Variants in TENM2 observed in about 807,000 individuals in gnomAD.
TENM2 encodes the protein teneurin-2.
Under a neutral mutation model 245.2 loss-of-function variants are expected in TENM2, and 52 were observed. The observed-to-expected ratio is 0.21, with a 90% CI of 0.17 to 0.27. The LOEUF (loss-of-function observed/expected upper bound fraction) is 0.27. Among genes scored for constraint, TENM2 ranks in the 10% least tolerant of loss-of-function variants. The pLI, the probability that TENM2 is intolerant of heterozygous loss-of-function variation, is 1.00. For synonymous variants in TENM2, 1,363 were observed against 1,438.9 expected, an observed-to-expected ratio of 0.95 and a Z score of 1.19; for missense variants, 3,046 against 3,666.8, an observed-to-expected ratio of 0.83 and a Z score of 4.37.
intron 2 of TENM2, among the ~76,000 whole-genome samples, chr5:167,423,961 T>C (rs1763661990): frequency 6.6e-6 from 1 of 152,220 alleles, no homozygotes; most frequent in Non-Finnish European, 1.5e-5. Context: ...AAGTCCCATG[T>C]GCTTTGTAGT....
the TENM2 span, among the ~76,000 whole-genome samples, chr5:167,253,651 TAAAG>T: frequency 1.3e-5 from 2 of 152,178 alleles, no homozygotes; most frequent in African/African-American, 4.8e-5. Context: ...TTAGCATCTA[TAAAG>T]ATAGTAATAT....
At chr5:167,220,209 A>ATC in the TENM2 span, among the ~76,000 whole-genome samples, 24 of 152,258 alleles carry the variant, frequency 1.6e-4, no homozygotes, top group Middle Eastern at 3.4e-3. Flanking sequence ...CTTAAGAGGT[A>ATC]TCCTCTTGGG....
the TENM2 span, among the ~76,000 whole-genome samples, chr5:166,998,263 T>C: frequency 6.6e-6 from 1 of 152,234 alleles, no homozygotes; most frequent in East Asian, 1.9e-4. Context: ...AGGGAGGTGG[T>C]GAGTGATCCA....
chr5:168,190,053 A>T (rs1760809357), intron 13 of TENM2, among the ~76,000 whole-genome samples: 1 of 152,242 alleles, frequency 6.6e-6, no homozygotes, highest in South Asian at 2.1e-4. Flanking sequence ...TCATAGTAGA[A>T]AAAAGTAGAA....
chr5:167,212,319 T>C, the TENM2 span, among the ~76,000 whole-genome samples: 1 of 152,158 alleles, frequency 6.6e-6, no homozygotes, highest in African/African-American at 2.4e-5. Flanking sequence ...GCCGGACCTT[T>C]CTCTGGGTCC....
At chr5:167,693,612 A>G (rs976783055) in intron 2 of TENM2, among the ~76,000 whole-genome samples, 1 of 148,536 alleles carries the variant, frequency 6.7e-6, no homozygotes, top group Non-Finnish European at 1.5e-5. Flanking sequence ...ACTGTTACCT[A>G]AATTTTAAGA....
chr5:167,740,913 AC>A (rs1280391171), intron 2 of TENM2, among the ~76,000 whole-genome samples: 1 of 152,072 alleles, frequency 6.6e-6, no homozygotes, highest in Non-Finnish European at 1.5e-5. Context: ...TCTTCTGTCA[AC>A]CCTGCAGACG....
At chr5:167,274,104 C>T in the TENM2 span, among the ~76,000 whole-genome samples, 4 of 152,116 alleles carry the variant, frequency 2.6e-5, no homozygotes, top group African/African-American at 7.2e-5. Flanking sequence ...ACATTTCCAT[C>T]ACAAAGTTGA....
At chr5:167,812,262 G>C (rs184116860) in intron 2 of TENM2, among the ~76,000 whole-genome samples, 1 of 152,126 alleles carries the variant, frequency 6.6e-6, no homozygotes, top group Non-Finnish European at 1.5e-5. Context: ...GTCTGGAGCC[G>C]AGGGAGAATT....
At chr5:167,439,449 A>G (rs1764762623) in intron 2 of TENM2, among the ~76,000 whole-genome samples, 1 of 152,184 alleles carries the variant, frequency 6.6e-6, no homozygotes, top group South Asian at 2.1e-4. Context: ...GCCTTTGCTC[A>G]TTGTTACTTA....
Position 168,124,831 on chromosome 5 carries a change from T to C in TENM2, c.2009-19T>C, listed in dbSNP as rs1273522919. The stretch of plus-strand genomic sequence containing the variant: ...GATTAATACTTTTATTCTTTGGTTT[T>C]TGTTTTTGTTTTTTTCAGTTGATTG... On this transcript the variant is annotated intron_variant, in intron 10 of 28. Coordinates refer to ENST00000518659, the Ensembl canonical transcript of TENM2. The C allele has an allele frequency of 6.3e-7, 1 of 1,591,542 alleles. No individual in the cohort carries two copies. The highest frequency in any genetic ancestry group is 8.6e-7 in the Non-Finnish European group (1 of 1,167,334).
rs537750834 is a variant in TENM2, at chr5:168,158,679, C to T, written c.2423-3932C>T. Among the ~76,000 whole-genome samples, 158 of 150,134 alleles carry T rather than the reference C, an allele frequency of 1.1e-3. 2 individuals are homozygous for T. The highest frequency in any genetic ancestry group is 3.1e-3 in the African/African-American group (128 of 40,910). ...ATCAAAAATGTCTCCAGACTGGGCA[C>T]GGTGGCTCATGCCTGGAGTGCTGTA... On this transcript the variant is annotated intron_variant, in intron 12 of 28. Coordinates refer to ENST00000518659, the Ensembl canonical transcript of TENM2.
chr5:167,948,064 T>C (rs1208642917), intron 3 of TENM2, among the ~76,000 whole-genome samples: 2 of 152,172 alleles, frequency 1.3e-5, no homozygotes, highest in Admixed American at 6.5e-5. Context: ...CAATAGTCGA[T>C]TATTAACAAT....
the TENM2 span, among the ~76,000 whole-genome samples, chr5:167,250,844 G>A: frequency 6.6e-6 from 1 of 152,156 alleles, no homozygotes; most frequent in East Asian, 1.9e-4. Context: ...AGCAGCTACT[G>A]AAAAGTATGG....
At chr5:167,137,931 A>G in the TENM2 span, among the ~76,000 whole-genome samples, 1 of 152,238 alleles carries the variant, frequency 6.6e-6, no homozygotes, top group Non-Finnish European at 1.5e-5. Flanking sequence ...CAAACTGACC[A>G]GAAAATTCAT....
intron 5 of TENM2, among the ~76,000 whole-genome samples, chr5:168,040,514 G>T (rs1788093523): frequency 6.6e-6 from 1 of 152,148 alleles, no homozygotes; most frequent in Non-Finnish European, 1.5e-5. Flanking sequence ...TCCATGCAGT[G>T]CTTTGAAAAT....
intron 2 of TENM2, among the ~76,000 whole-genome samples, chr5:167,425,488 T>A (rs1763758620): frequency 2.0e-5 from 3 of 152,192 alleles, no homozygotes; most frequent in African/African-American, 7.2e-5. Flanking sequence ...AATGCAAATT[T>A]CAATTTCTAA....
At chr5:167,662,179 C>T (rs758731817) in intron 2 of TENM2, among the ~76,000 whole-genome samples, 2 of 152,140 alleles carry the variant, frequency 1.3e-5, no homozygotes, top group Non-Finnish European at 2.9e-5. Flanking sequence ...ATTTTTTAAA[C>T]GAGCATCCAC....
chr5:167,136,592 C>A, the TENM2 span, among the ~76,000 whole-genome samples: 1 of 152,150 alleles, frequency 6.6e-6, no homozygotes, highest in Non-Finnish European at 1.5e-5. Flanking sequence ...TTTTGATCCA[C>A]CCCTATTTCT....
Sources: allele counts gnomAD v4.1 joint callset (sites outside exome capture counted in the v4.1 genomes callset), GRCh38; gene constraint gnomAD v4.1.1; transcripts MANE v1.5; gene names NCBI Gene and HGNC (gene_info 2026-07-23, HGNC 2026-07-21).